Variants in SPAG16 observed in about 807,000 individuals in gnomAD.
SPAG16 encodes the protein sperm-associated antigen 16 protein.
A neutral mutation model predicts 80.4 loss-of-function variants in SPAG16; 86 were observed. The observed-to-expected ratio is 1.07, with a 90% CI of 0.90 to 1.28. The LOEUF (loss-of-function observed/expected upper bound fraction) is 1.28, where lower values mean the gene tolerates loss of function less well. Ranked by LOEUF, SPAG16 falls within the 50% of genes most tolerant of loss-of-function variation. The pLI is 0.00. For synonymous variants in SPAG16, 294 were observed against 265.9 expected (o/e 1.11, Z -1.03); for missense variants, 870 against 765.3 (o/e 1.14, Z -1.61).
At chr2:213,921,390 T>C (rs1171862570) in intron 11 of SPAG16, among the ~76,000 whole-genome samples, 3 of 152,168 alleles carry the variant, frequency 2.0e-5, no homozygotes, top group Non-Finnish European at 4.4e-5. Context: ...CTTGGTTGAT[T>C]TTTCCCCATT....
At chr2:213,428,232 A>G (rs180830212) in intron 9 of SPAG16, among the ~76,000 whole-genome samples, 4 of 152,300 alleles carry the variant, frequency 2.6e-5, no homozygotes, top group African/African-American at 9.6e-5. Context: ...AAGTCCCAAT[A>G]TAGGAGAGGG....
At chr2:214,339,302 A>G (rs1022975150) in intron 15 of SPAG16, among the ~76,000 whole-genome samples, 1 of 152,134 alleles carries the variant, frequency 6.6e-6, no homozygotes, top group Non-Finnish European at 1.5e-5. Context: ...TTTTTCTTCA[A>G]ATATCTCTTG....
chr2:213,304,128 A>T (rs189843577), intron 3 of SPAG16, among the ~76,000 whole-genome samples: 6 of 152,246 alleles, frequency 3.9e-5, no homozygotes, highest in African/African-American at 1.4e-4. Flanking sequence ...CATTTTTCTG[A>T]TGATCAATGA....
Position 213,694,928 on chromosome 2 carries a change from G to A in SPAG16, c.1071-167557G>A, listed in dbSNP as rs1045061214. Among the ~76,000 whole-genome samples, 13 of 151,964 alleles carry A rather than the reference G, an allele frequency of 8.6e-5. 1 individual carries two copies. The highest frequency in any genetic ancestry group is 2.9e-5 in the Non-Finnish European group (2 of 67,990). On this transcript the variant is annotated intron_variant, in intron 10 of 15. Transcript: ENST00000331683. Reference sequence around the variant, plus strand: ...ATCTTCTACCTCCCAGTAGTATGGGGTCCTGTTTTATTCAAGCTAATCTTC... The same window carrying A: ...ATCTTCTACCTCCCAGTAGTATGGGATCCTGTTTTATTCAAGCTAATCTTC...
chr2:213,492,569 C>T (rs1335255488), intron 10 of SPAG16, among the ~76,000 whole-genome samples: 1 of 151,364 alleles, frequency 6.6e-6, no homozygotes, highest in Non-Finnish European at 1.5e-5. Context: ...AAAAAAACAA[C>T]CAAAAGAAAA....
chr2:214,359,797 A>T (rs1411964057), intron 15 of SPAG16, among the ~76,000 whole-genome samples: 1 of 151,874 alleles, frequency 6.6e-6, no homozygotes, highest in East Asian at 1.9e-4. Context: ...TAATTGAGAA[A>T]ATTTTTGAGA....
chr2:213,382,362 TAGGA>T (rs1039403432), intron 9 of SPAG16, among the ~76,000 whole-genome samples: 4 of 152,222 alleles, frequency 2.6e-5, no homozygotes, highest in African/African-American at 9.6e-5. Flanking sequence ...ATGAACATAG[TAGGA>T]GCTAACCCTT....
chr2:214,242,854 C>T (rs114341626), intron 15 of SPAG16, among the ~76,000 whole-genome samples: 2,488 of 152,186 alleles, frequency 0.016, 43 homozygotes, highest in African/African-American at 0.038. Flanking sequence ...TAAATGTGAT[C>T]TATTAACTAT....
chr2:214,127,830 A>T (rs185232837), intron 14 of SPAG16, among the ~76,000 whole-genome samples: 47 of 151,860 alleles, frequency 3.1e-4, no homozygotes, highest in African/African-American at 1.1e-3. Context: ...TGTTTTCAAA[A>T]CTCTTTATAA....
At chr2:213,313,461 A>C (rs1470274802) in intron 4 of SPAG16, among the ~76,000 whole-genome samples, 1 of 151,672 alleles carries the variant, frequency 6.6e-6, no homozygotes, top group Non-Finnish European at 1.5e-5. Context: ...CCACAGCCAT[A>C]TTTCTATTTT....
At position 213,346,304 on chromosome 2, in the gene SPAG16, A is replaced by G. The variant is rs528341476; in HGVS notation, c.645-4224A>G. On this transcript the variant is annotated intron_variant, in intron 6 of 15. Coordinates refer to ENST00000331683, the MANE Select transcript of SPAG16 (RefSeq NM_024532.5). ...GGGCTGAGACAGTGGGGTTTTCTAG[A>G]TATACAATCATGTCATCTGCAAGCA... Among the ~76,000 whole-genome samples, 7 of 152,274 alleles carry G rather than the reference A, an allele frequency of 4.6e-5. No homozygotes were observed. The South Asian group carries it at 1.5e-3, about 32-fold the overall frequency.
At chr2:213,734,642 G>A (rs1269059255) in intron 10 of SPAG16, among the ~76,000 whole-genome samples, 1 of 151,924 alleles carries the variant, frequency 6.6e-6, no homozygotes, top group Non-Finnish European at 1.5e-5. Flanking sequence ...TGCAATAAAG[G>A]GGTTATATGC....
intron 13 of SPAG16, among the ~76,000 whole-genome samples, chr2:214,050,182 A>G (rs1047816778): frequency 2.6e-5 from 4 of 152,080 alleles, no homozygotes; most frequent in African/African-American, 9.7e-5. Flanking sequence ...ACACGGTGGT[A>G]ATCTCAATCA....
chr2:213,532,933 ATACTT>A (rs1451616279), intron 10 of SPAG16, among the ~76,000 whole-genome samples: 3 of 152,324 alleles, frequency 2.0e-5, no homozygotes, highest in South Asian at 2.1e-4. Flanking sequence ...ACAATATTAA[ATACTT>A]TATATAAGAA....
At chr2:213,825,575 C>T (rs1199529456) in intron 10 of SPAG16, among the ~76,000 whole-genome samples, 1 of 151,960 alleles carries the variant, frequency 6.6e-6, no homozygotes, top group African/African-American at 2.4e-5. Context: ...GGATAAATCC[C>T]ACTTGGTCAT....
At chr2:213,885,869 A>G (rs909817036) in intron 11 of SPAG16, among the ~76,000 whole-genome samples, 8 of 152,194 alleles carry the variant, frequency 5.3e-5, no homozygotes, top group Non-Finnish European at 1.0e-4. Context: ...AATAATTCAG[A>G]GATCCAACAG....
intron 10 of SPAG16, among the ~76,000 whole-genome samples, chr2:213,730,718 T>C (rs968713288): frequency 2.0e-5 from 3 of 152,210 alleles, no homozygotes; most frequent in Non-Finnish European, 4.4e-5. Context: ...TTGTCATTAA[T>C]TTGGAGGAAG....
rs1327875391 is a variant in SPAG16, at chr2:214,298,175, CAT to C, written c.1721-111954_1721-111953del. On this transcript the variant is annotated intron_variant, in intron 15 of 15. Coordinates refer to ENST00000331683, the MANE Select transcript of SPAG16 (RefSeq NM_024532.5). ...ACACACATATACACACACACACACA[CAT>C]ATATATATATTTGCATGGCAATTTT... 1.5e-4 allele frequency among the ~76,000 whole-genome samples: 15 copies of C among 101,596 alleles called. No individual in the cohort carries two copies. The South Asian group carries it at 1.8e-3, about 12-fold the overall frequency. The allele number at this position is 101,596 out of a possible 152,430, so 66.7% of individuals were successfully genotyped here. A position where few individuals can be genotyped will look rare whatever the true frequency, so the allele number is the denominator to read the frequency against.
intron 12 of SPAG16, among the ~76,000 whole-genome samples, chr2:213,977,545 A>G (rs1334451706): frequency 6.6e-6 from 1 of 152,050 alleles, no homozygotes; most frequent in Admixed American, 6.6e-5. Context: ...GTCCACAGCA[A>G]TTTTAACATC....
Sources: allele counts gnomAD v4.1 joint callset (sites outside exome capture counted in the v4.1 genomes callset), GRCh38; gene constraint gnomAD v4.1.1; transcripts MANE v1.5; gene names NCBI Gene and HGNC (gene_info 2026-07-23, HGNC 2026-07-21).